The following POLR3E variants were observed in gnomAD, a reference collection of about 807,000 sequenced individuals.
The protein encoded by POLR3E is RNA polymerase III subunit E, also known as DNA-directed RNA polymerase III subunit RPC5.
In POLR3E, 41 loss-of-function variants were observed where a neutral mutation model predicts 96.6. The ratio of observed to expected loss-of-function variants is 0.42; its 90% CI spans 0.33 to 0.55. The LOEUF (loss-of-function observed/expected upper bound fraction) is 0.55, where lower values mean the gene tolerates loss of function less well. POLR3E is among the 20% of genes least tolerant of loss of function. POLR3E has a pLI of 0.06. For missense variants in POLR3E, 849 were observed against 952.1 expected (o/e 0.89, Z 1.43); for synonymous variants, 396 against 383.6 (o/e 1.03, Z -0.38).
chr16:22,317,274 GGACAGTGA>G lies in POLR3E; in HGVS notation c.865+70_865+77del, dbSNP rs1315952219. On this transcript the variant is annotated intron_variant, in intron 12 of 20. Coordinates refer to ENST00000299853, the MANE Select transcript of POLR3E (RefSeq NM_018119.4). ...TGGCTCCTGAGGAATGGACTCTGTG[GGACAGTGA>G]GGACCAGGGGACAAGGCCAGAGGCC... The G allele has an allele frequency of 3.5e-6, 4 of 1,135,374 alleles. No homozygotes were observed. The African/African-American group carries it at 6.0e-5, about 17-fold the overall frequency. 70.3% of individuals were successfully genotyped at this position (1,135,374 alleles called of 1,614,324 possible).
intron 2 of POLR3E, among the ~76,000 whole-genome samples, chr16:22,304,818 C>T (rs2141734026): frequency 6.6e-6 from 1 of 152,276 alleles, no homozygotes; most frequent in East Asian, 1.9e-4. Flanking sequence ...CCTCGCCTGC[C>T]TGCCTCTCAG....
intron 12 of POLR3E, among the ~76,000 whole-genome samples, chr16:22,317,613 G>A (rs1223797147): frequency 6.6e-6 from 1 of 152,058 alleles, no homozygotes; most frequent in African/African-American, 2.4e-5. Flanking sequence ...ACAGGGCCTT[G>A]CAGGCGAACA....
At chr16:22,305,635 G>A (rs913342380) in intron 3 of POLR3E, 13 of 370,348 alleles carry the variant, frequency 3.5e-5, no homozygotes, top group South Asian at 2.6e-4. Context: ...GAGAGTTGGT[G>A]CCAGTGATGA....
At chr16:22,309,540 G>T in intron 6 of POLR3E, 30 bp downstream of exon 6, 6 of 1,445,292 alleles carry the variant, frequency 4.2e-6, no homozygotes, top group African/African-American at 1.4e-5. Context: ...CCGCGGTGGG[G>T]ACATGGCATT....
intron 20 of POLR3E, 47 bp from the exon 21 acceptor site, chr16:22,333,597 C>T (rs1213373094): frequency 7.0e-6 from 9 of 1,286,118 alleles, no homozygotes; most frequent in African/African-American, 1.5e-5. Flanking sequence ...ATGTAATTAG[C>T]TCCTTTTCCT....
At chr16:22,298,501 G>GC (rs2047946215) in intron 1 of POLR3E, among the ~76,000 whole-genome samples, 1 of 152,164 alleles carries the variant, frequency 6.6e-6, no homozygotes, top group Non-Finnish European at 1.5e-5. Context: ...ATGAAAATAG[G>GC]GAGGAATACC....
rs1207445122 is a variant in POLR3E, at chr16:22,313,590, G to C, written c.365-30G>C. ...GAGCCAAACTGGGTGGGTTTCTAGA[G>C]TTGAGTCCAAGCCCTTCTTCCTCCG... On this transcript the variant is annotated intron_variant, in intron 6 of 20. Transcript: ENST00000299853. The surrounding 1 kb of genome is among the most constrained non-coding windows in gnomAD (Gnocchi z 4.1). 2.0e-6 allele frequency: 3 copies of C among 1,511,316 alleles called. No homozygotes were observed. The South Asian group carries it at 3.4e-5, about 17-fold the overall frequency. 93.6% of individuals were successfully genotyped at this position (1,511,316 alleles called of 1,614,324 possible).
chr16:22,317,669 T>TGTTGTTGTTGTTG (rs59582667), intron 12 of POLR3E, among the ~76,000 whole-genome samples: 1 of 151,786 alleles, frequency 6.6e-6, no homozygotes, highest in African/African-American at 2.4e-5. Context: ...GTTGTTGTTT[T>TGTTGTTGTTGTTG]TTTTTTTAAG....
rs150190798 is a variant in POLR3E at position 22,300,047 on chromosome 16, G to A, written c.-39+2510G>A. On this transcript the variant is annotated intron_variant, in intron 1 of 20. Transcript: ENST00000299853. ...TTCTTTCCAAAGACTCACTGTTGCT[G>A]GGAGACTTGGAGGTAGGTATAAGGA... 4.0e-4 allele frequency among the ~76,000 whole-genome samples: 61 copies of A among 152,262 alleles called. 2 individuals are homozygous for A. Among genetic ancestry groups the A allele is most frequent in the African/African-American group, 1.4e-3 (60 of 41,556 alleles).
rs753674369 is a variant in POLR3E at position 22,325,963 on chromosome 16, G to T, written c.1551G>T (p.Glu517Asp). The T allele has an allele frequency of 2.5e-6, 4 of 1,591,792 alleles. No homozygotes were observed. The East Asian group carries it at 9.1e-5, about 36-fold the overall frequency. Residue 517 changes from glutamate to aspartate, a missense_variant, in exon 18 of 21, where the codon GAG (glutamate) becomes GAT (aspartate). Physicochemically the swap from Glu to Asp is conservative, Grantham distance 45. Coordinates refer to ENST00000299853, the MANE Select transcript of POLR3E (RefSeq NM_018119.4). Reference protein sequence around the residue: ...EEDEEQEAEEEPMDTSPSGLH... With the variant: ...EEDEEQEAEEDPMDTSPSGLH... ...ACGAGGAGCAGGAGGCGGAGGAGGAGCCCATGGACACTTCCCCCAGCGGCC... is the reference window on the plus strand; with the variant it reads ...ACGAGGAGCAGGAGGCGGAGGAGGATCCCATGGACACTTCCCCCAGCGGCC...
chr16:22,327,154 G>T (rs2048615700), intron 18 of POLR3E: 1 of 152,558 alleles, frequency 6.6e-6, no homozygotes, highest in Admixed American at 6.5e-5. Flanking sequence ...CTCTAAGAAA[G>T]CATTGATGTT....
intron 18 of POLR3E, chr16:22,328,264 C>T (rs911745572): frequency 1.9e-6 from 1 of 524,668 alleles, no homozygotes; most frequent in Non-Finnish European, 3.4e-6. Context: ...TTCACTGGGC[C>T]CATCACACTC....
Position 22,325,993 on chromosome 16 carries a change from C to G in POLR3E, c.1581C>G (p.His527Gln). 1 of 1,595,058 alleles carries G rather than the reference C, an allele frequency of 6.3e-7. No homozygotes were observed. The highest frequency in any genetic ancestry group is 8.5e-7 in the Non-Finnish European group (1 of 1,170,004). ...TGGACACTTCCCCCAGCGGCCTCCACAGCAAGCTGGCCAACGGGCTGCCTC... is the reference window on the plus strand; with the variant it reads ...TGGACACTTCCCCCAGCGGCCTCCAGAGCAAGCTGGCCAACGGGCTGCCTC... ...EPMDTSPSGL[H>Q]SKLANGLPLG... is the part of the protein sequence containing the mutation. Residue 527 changes from histidine to glutamine, a missense_variant, in exon 18 of 21, where the codon CAC becomes CAG. Transcript: ENST00000299853.
rs192304085 is a variant in POLR3E at position 22,323,359 on chromosome 16, C to T, written c.1068+428C>T. 4.1e-3 allele frequency among the ~76,000 whole-genome samples: 629 copies of T among 152,212 alleles called. 1 individual carries two copies. The highest frequency in any genetic ancestry group is 6.9e-3 in the Non-Finnish European group (468 of 67,988). On this transcript the variant is annotated intron_variant, in intron 14 of 20. Coordinates refer to ENST00000299853, the MANE Select transcript of POLR3E (RefSeq NM_018119.4). Reference sequence around the variant, plus strand: ...TTCACCACAGTCCCAGGTGCCTTTGCCTCCCTTGTGCCTGTCCCTGGAGTT... The same window carrying T: ...TTCACCACAGTCCCAGGTGCCTTTGTCTCCCTTGTGCCTGTCCCTGGAGTT...
chr16:22,325,848 T>G lies in POLR3E; in HGVS notation c.1436T>G (p.Leu479Arg), dbSNP rs866473226. ...QQNHALLERE[L>R]QRRKEQLRVP... ...AACCACGCGTTGCTGGAGCGGGAGC[T>G]GCAGCGGCGGAAGGAGCAGCTGCGG... The change falls in exon 18 of 21, where the codon CTG becomes CGG. Residue 479 changes from leucine to arginine, a missense_variant. Physicochemically the swap from Leu to Arg is moderately radical, Grantham distance 102. Coordinates refer to ENST00000299853, the MANE Select transcript of POLR3E (RefSeq NM_018119.4). 6.2e-7 allele frequency: 1 copy of G among 1,612,290 alleles called. No individual in the cohort carries two copies. The highest frequency in any genetic ancestry group is 1.1e-5 in the South Asian group (1 of 90,878).
chr16:22,305,535 G>T (rs866156010), intron 3 of POLR3E: 31 of 545,456 alleles, frequency 5.7e-5, no homozygotes, highest in South Asian at 4.8e-4. Context: ...TTCCTCACTT[G>T]CAAAGTGGTG....
chr16:22,302,662 A>G (rs1382768342), intron 1 of POLR3E: 2 of 418,480 alleles, frequency 4.8e-6, no homozygotes. Flanking sequence ...AAAGCCAGTC[A>G]TTTGCCTTTC....
At position 22,298,662 on chromosome 16, in the gene POLR3E, A is replaced by C. The variant is rs185860949; in HGVS notation, c.-39+1125A>C. On this transcript the variant is annotated intron_variant, in intron 1 of 20. Transcript: ENST00000299853. Reference sequence around the variant, plus strand: ...TGCAGTATAGTGGTTAAGAATAAGAATAAGGATCTTTGACATAGCGAGACC... The same window carrying C: ...TGCAGTATAGTGGTTAAGAATAAGACTAAGGATCTTTGACATAGCGAGACC... Among the ~76,000 whole-genome samples, 50 of 152,350 alleles carry C rather than the reference A, an allele frequency of 3.3e-4. No homozygotes were observed. In the East Asian group the frequency reaches 6.6e-3, roughly 20 times the overall value.
chr16:22,316,974 G>C, intron 10 of POLR3E, 21 bp from the exon 11 acceptor site: 1 of 1,613,754 alleles, frequency 6.2e-7, no homozygotes, highest in South Asian at 1.1e-5. Flanking sequence ...CTGAGCCTCT[G>C]CCCCTGCCAT....
Sources: gnomAD v4.1 joint callset for allele counts (sites outside exome capture counted in the v4.1 genomes callset) on GRCh38, gnomAD v4.1.1 for gene constraint, Gnocchi (gnomAD v3.1) non-coding constraint, MANE v1.5 for transcripts, NCBI Gene and HGNC (gene_info 2026-07-23, HGNC 2026-07-21) for gene names.